Variants in ASIC2 observed in about 807,000 individuals in gnomAD.
The protein encoded by ASIC2 is acid sensing ion channel subunit 2.
ASIC2 carries 25 observed loss-of-function variants against 57.3 expected under a neutral mutation model. The ratio of observed to expected loss-of-function variants is 0.44; its 90% CI spans 0.32 to 0.61. The LOEUF (loss-of-function observed/expected upper bound fraction) is 0.61. Ranked by LOEUF, ASIC2 falls within the 20% of genes least tolerant of loss-of-function variation. ASIC2 has a pLI of 0.06. For missense variants in ASIC2, 641 were observed against 738.1 expected (o/e 0.87, Z 1.52); for synonymous variants, 319 against 307.5 (o/e 1.04, Z -0.39).
intron 1 of ASIC2, among the ~76,000 whole-genome samples, chr17:33,521,878 G>T (rs1300035879): frequency 2.0e-5 from 3 of 152,206 alleles, no homozygotes; most frequent in African/African-American, 7.2e-5. Flanking sequence ...CTGTTCCTCT[G>T]GGTGTGCATG....
intron 1 of ASIC2, among the ~76,000 whole-genome samples, chr17:33,694,031 T>G (rs900125587): frequency 6.6e-6 from 1 of 152,210 alleles, no homozygotes; most frequent in Non-Finnish European, 1.5e-5. Flanking sequence ...CTTGCCCACA[T>G]TACTTGCTTG....
At chr17:33,949,045 T>A (rs1904474312) in intron 1 of ASIC2, among the ~76,000 whole-genome samples, 1 of 152,166 alleles carries the variant, frequency 6.6e-6, no homozygotes, top group African/African-American at 2.4e-5. Flanking sequence ...ACATCTACAT[T>A]TGAGTTTCAT....
intron 1 of ASIC2, among the ~76,000 whole-genome samples, chr17:33,499,393 G>A (rs944121787): frequency 2.0e-5 from 3 of 152,250 alleles, no homozygotes; most frequent in African/African-American, 2.4e-5. Flanking sequence ...TTCTAGAGCA[G>A]GGAGGGGTGC....
At chr17:33,073,611 A>T (rs1398533141) in intron 3 of ASIC2, among the ~76,000 whole-genome samples, 1 of 152,230 alleles carries the variant, frequency 6.6e-6, no homozygotes, top group Non-Finnish European at 1.5e-5. Flanking sequence ...GACTAAGAAC[A>T]GGGAACAATG....
At chr17:33,412,936 C>A (rs1195969126) in intron 1 of ASIC2, among the ~76,000 whole-genome samples, 2 of 152,008 alleles carry the variant, frequency 1.3e-5, no homozygotes, top group Non-Finnish European at 2.9e-5. Flanking sequence ...TGCAAGGAAC[C>A]CCCCACCTGC....
chr17:33,177,157 G>T (rs888333459), intron 1 of ASIC2, among the ~76,000 whole-genome samples: 1 of 152,150 alleles, frequency 6.6e-6, no homozygotes, highest in African/African-American at 2.4e-5. Context: ...CCCAAGTCTT[G>T]GGGGAAGGGA....
At chr17:33,931,626 T>C (rs35834228) in intron 1 of ASIC2, among the ~76,000 whole-genome samples, 45,694 of 152,092 alleles carry the variant, frequency 0.3, 6,989 homozygotes, top group Admixed American at 0.35. Flanking sequence ...TTAAGCTCTC[T>C]TAGGCAGCTG....
intron 1 of ASIC2, among the ~76,000 whole-genome samples, chr17:33,974,978 G>T (rs973009181): frequency 1.3e-5 from 2 of 152,100 alleles, no homozygotes; most frequent in South Asian, 4.2e-4. Context: ...TTATTTATGT[G>T]GTGTGTTGGC....
At chr17:34,150,405 C>A (rs1194122016) in intron 1 of ASIC2, among the ~76,000 whole-genome samples, 1 of 152,022 alleles carries the variant, frequency 6.6e-6, no homozygotes, top group Non-Finnish European at 1.5e-5. Context: ...CTTACCATCC[C>A]CCCAAGAAAA....
chr17:34,051,606 C>T (rs1908557115), intron 1 of ASIC2: 1 of 152,192 alleles, frequency 6.6e-6, no homozygotes, highest in Non-Finnish European at 1.5e-5. Flanking sequence ...GCCTCCTTTG[C>T]TTTTGGATTT....
At chr17:33,913,615 C>T (rs1000057700) in intron 1 of ASIC2, among the ~76,000 whole-genome samples, 2 of 152,178 alleles carry the variant, frequency 1.3e-5, no homozygotes, top group Admixed American at 1.3e-4. Flanking sequence ...GAAACATCAG[C>T]TCCTTCTTCC....
rs150692626 is a variant in ASIC2 at position 33,145,362 on chromosome 17, G to A, written c.709-33295C>T. On this transcript the variant is annotated intron_variant, in intron 1 of 9. Coordinates refer to ENST00000225823, the MANE Select transcript of ASIC2 (RefSeq NM_183377.2). ...CCTCGTCCTCTGGGCTGCCATCCCTGCCTGCGGTCTGAGCAACTATTGGGC... is the reference window on the plus strand; with the variant it reads ...CCTCGTCCTCTGGGCTGCCATCCCTACCTGCGGTCTGAGCAACTATTGGGC... Among the ~76,000 whole-genome samples the A allele has an allele frequency of 8.9e-3, 1,362 of 152,310 alleles. 8 individuals carry two copies. The highest frequency in any genetic ancestry group is 0.015 in the Non-Finnish European group (994 of 68,016).
rs1168627977 is a variant in ASIC2, at chr17:33,099,895, A to G, written c.860-10905T>C. The G allele has an allele frequency of 2.0e-5, 3 of 152,244 alleles. No homozygotes were observed. The East Asian group carries it at 5.8e-4, about 29-fold the overall frequency. The allele number at this position is 152,244 out of a possible 1,614,324, so 9.4% of individuals were successfully genotyped here. On this transcript the variant is annotated intron_variant, in intron 2 of 9. Transcript: ENST00000225823. ...TATAGAATTCAAAATCATCCAAAGC[A>G]TTACTGGATTCATAGCAATTTTTTG...
At chr17:33,111,583 C>T (rs770702696) in intron 2 of ASIC2, among the ~76,000 whole-genome samples, 1 of 152,150 alleles carries the variant, frequency 6.6e-6, no homozygotes, top group Admixed American at 6.5e-5. Context: ...GAGAAAGAGG[C>T]TGATCCATCC....
rs560642868 is a variant in ASIC2 at position 33,518,026 on chromosome 17, C to T, written c.556-405959G>A. Among the ~76,000 whole-genome samples, 4 of 152,252 alleles carry T rather than the reference C, an allele frequency of 2.6e-5. No homozygotes were observed. The Middle Eastern group carries it at 0.01, about 388-fold the overall frequency. On this transcript the variant is annotated intron_variant, in intron 1 of 9. Coordinates refer to the ASIC2 transcript ENST00000359872. ...TCCAGAGAGGGCACCCAGTCCTGATCCCAGCCTCTGATCATCATCCTCTTG... is the reference window on the plus strand; with the variant it reads ...TCCAGAGAGGGCACCCAGTCCTGATTCCAGCCTCTGATCATCATCCTCTTG...
intron 1 of ASIC2, among the ~76,000 whole-genome samples, chr17:33,266,857 A>G (rs1247715746): frequency 2.0e-5 from 3 of 152,092 alleles, no homozygotes; most frequent in Non-Finnish European, 2.9e-5. Flanking sequence ...TTTCCAGTAC[A>G]CCAACTAATT....
intron 1 of ASIC2, among the ~76,000 whole-genome samples, chr17:33,867,095 G>A (rs1914261408): frequency 6.6e-6 from 1 of 152,190 alleles, no homozygotes; most frequent in South Asian, 2.1e-4. Context: ...GAGACTTAAG[G>A]CAGAAGTTCT....
At chr17:33,710,909 CAGT>C (rs1448344202) in intron 1 of ASIC2, among the ~76,000 whole-genome samples, 5 of 152,120 alleles carry the variant, frequency 3.3e-5, no homozygotes, top group Non-Finnish European at 5.9e-5. Context: ...TGTTAAAAAG[CAGT>C]AGTTTGAGTG....
At chr17:33,885,107 C>T (rs541583716) in intron 1 of ASIC2, among the ~76,000 whole-genome samples, 18 of 152,310 alleles carry the variant, frequency 1.2e-4, no homozygotes, top group African/African-American at 3.8e-4. Context: ...TTTCAGGCCT[C>T]TCTCCTTCCT....
Sources: allele counts gnomAD v4.1 joint callset (sites outside exome capture counted in the v4.1 genomes callset), GRCh38; gene constraint gnomAD v4.1.1; transcripts MANE v1.5; gene names NCBI Gene and HGNC (gene_info 2026-07-23, HGNC 2026-07-21).